Variants in RBMS3 observed in about 807,000 individuals in gnomAD.
The protein encoded by RBMS3 is RNA-binding motif, single-stranded-interacting protein 3.
In RBMS3, 27 loss-of-function variants were observed where a neutral mutation model predicts 66.8. That is an observed-to-expected ratio of 0.40 (90% CI 0.30 to 0.56). The LOEUF (loss-of-function observed/expected upper bound fraction) is 0.56, where lower values mean the gene tolerates loss of function less well. Among genes scored for constraint, RBMS3 ranks in the 20% least tolerant of loss-of-function variants. RBMS3 has a pLI of 0.40. For synonymous variants in RBMS3, 188 were observed against 183.0 expected (o/e 1.03, Z -0.22); for missense variants, 513 against 549.5 (o/e 0.93, Z 0.66).
At chr3:29,957,576 A>G (rs913880619) in intron 12 of RBMS3, among the ~76,000 whole-genome samples, 4 of 152,170 alleles carry the variant, frequency 2.6e-5, no homozygotes, top group Admixed American at 2.6e-4. Flanking sequence ...CAGTAGAATA[A>G]TTGGAAAATG....
intron 4 of RBMS3, among the ~76,000 whole-genome samples, chr3:29,682,178 G>A (rs573810401): frequency 2.6e-5 from 4 of 152,234 alleles, no homozygotes; most frequent in South Asian, 2.1e-4. Flanking sequence ...TCGGAGTCTC[G>A]CTCTGATGCC....
Position 29,724,550 on chromosome 3 carries a change from T to C in RBMS3, c.400-15170T>C, listed in dbSNP as rs2053775035. 2.6e-5 allele frequency among the ~76,000 whole-genome samples: 4 copies of C among 152,302 alleles called. No homozygotes were observed. The South Asian group carries it at 6.2e-4, about 24-fold the overall frequency. ...TCATTACATGTTCACAGCTCATGCCTACTCAAAGTTTTCTGGAAGCTTAAG... is the reference window on the plus strand; with the variant it reads ...TCATTACATGTTCACAGCTCATGCCCACTCAAAGTTTTCTGGAAGCTTAAG... On this transcript the variant is annotated intron_variant, in intron 4 of 14. Coordinates refer to ENST00000383767, the MANE Select transcript of RBMS3 (RefSeq NM_001003793.3).
intron 3 of RBMS3, among the ~76,000 whole-genome samples, chr3:29,498,847 C>T (rs1434545707): frequency 1.3e-5 from 2 of 152,128 alleles, no homozygotes; most frequent in Non-Finnish European, 2.9e-5. Context: ...ATTCTGAGTA[C>T]ATTTTAACTG....
intron 1 of RBMS3, among the ~76,000 whole-genome samples, chr3:29,329,475 G>A (rs1220894211): frequency 1.3e-5 from 2 of 151,994 alleles, no homozygotes; most frequent in Non-Finnish European, 2.9e-5. Context: ...GCCACAGGAA[G>A]CATTTATTAA....
At chr3:29,902,921 T>A (rs2060290017) in intron 10 of RBMS3, among the ~76,000 whole-genome samples, 1 of 151,906 alleles carries the variant, frequency 6.6e-6, no homozygotes, top group Admixed American at 6.6e-5. Flanking sequence ...TAGAGCGCAA[T>A]GACCTTGATC....
At chr3:29,950,305 T>A (rs1469919483) in intron 12 of RBMS3, among the ~76,000 whole-genome samples, 1 of 151,862 alleles carries the variant, frequency 6.6e-6, no homozygotes, top group Non-Finnish European at 1.5e-5. Flanking sequence ...AGCAACTGAC[T>A]TAAAGCATCC....
intron 1 of RBMS3, among the ~76,000 whole-genome samples, chr3:29,336,120 C>G (rs2035933220): frequency 6.6e-6 from 1 of 152,126 alleles, no homozygotes; most frequent in Non-Finnish European, 1.5e-5. Flanking sequence ...TATGTGTTCT[C>G]TATTCAAAAA....
At chr3:29,513,745 C>G (rs1366851739) in intron 3 of RBMS3, among the ~76,000 whole-genome samples, 1 of 152,100 alleles carries the variant, frequency 6.6e-6, no homozygotes, top group African/African-American at 2.4e-5. Context: ...ACATATTTTG[C>G]CCATTTCTGT....
intron 2 of RBMS3, among the ~76,000 whole-genome samples, chr3:29,472,185 C>A (rs565480133): frequency 1.3e-5 from 2 of 150,736 alleles, no homozygotes; most frequent in East Asian, 3.9e-4. Context: ...ACCCTTTATG[C>A]CTCTTCTAAT....
chr3:29,700,636 G>A (rs535451825), intron 4 of RBMS3, among the ~76,000 whole-genome samples: 3 of 151,772 alleles, frequency 2.0e-5, no homozygotes, highest in Non-Finnish European at 4.4e-5. Context: ...ATATGAATAG[G>A]TGCAAAAGAG....
chr3:29,676,297 G>A (rs1318832491), intron 4 of RBMS3, among the ~76,000 whole-genome samples: 1 of 152,146 alleles, frequency 6.6e-6, no homozygotes, highest in Admixed American at 6.5e-5. Context: ...AGGGGGGAAG[G>A]ATAGCATTAG....
intron 1 of RBMS3, among the ~76,000 whole-genome samples, chr3:29,327,691 C>G (rs1015504621): frequency 2.6e-5 from 4 of 152,156 alleles, no homozygotes; most frequent in Non-Finnish European, 4.4e-5. Flanking sequence ...GTGTATTGCA[C>G]AGACACATTA....
At chr3:29,822,756 A>G (rs1048026087) in intron 6 of RBMS3, among the ~76,000 whole-genome samples, 2 of 152,138 alleles carry the variant, frequency 1.3e-5, no homozygotes, top group African/African-American at 4.8e-5. Flanking sequence ...ACATTGGGCA[A>G]CCTTAGCAGG....
rs138763839 is a variant in RBMS3, at chr3:29,575,970, T to C, written c.308-11144T>C. ...TATTTTGAATACTCTGTGTGAAAGG[T>C]CACATGTCTCTGTTTCTCCAGGATT... On this transcript the variant is annotated intron_variant, in intron 3 of 14. Transcript: ENST00000383767. Among the ~76,000 whole-genome samples the C allele has an allele frequency of 6.7e-3, 1,024 of 152,276 alleles. 14 individuals are homozygous for C. Among genetic ancestry groups the C allele is most frequent in the African/African-American group, 0.024 (984 of 41,554 alleles).
intron 8 of RBMS3, among the ~76,000 whole-genome samples, chr3:29,895,967 T>C (rs2060116097): frequency 6.6e-6 from 1 of 151,434 alleles, no homozygotes; most frequent in Admixed American, 6.6e-5. Context: ...GTCAGTGGCT[T>C]CTTTTAAACG....
At chr3:29,546,506 G>A (rs1322752172) in intron 3 of RBMS3, among the ~76,000 whole-genome samples, 1 of 152,144 alleles carries the variant, frequency 6.6e-6, no homozygotes, top group Non-Finnish European at 1.5e-5. Context: ...CTGTACGACT[G>A]CTTATATGCA....
At chr3:29,562,817 A>G (rs961182427) in intron 3 of RBMS3, among the ~76,000 whole-genome samples, 1 of 152,208 alleles carries the variant, frequency 6.6e-6, no homozygotes, top group Non-Finnish European at 1.5e-5. Context: ...ATCTTTGAGT[A>G]GAAGACTAAA....
intron 10 of RBMS3, among the ~76,000 whole-genome samples, chr3:29,900,805 C>T (rs1009477145): frequency 2.6e-5 from 4 of 151,764 alleles, no homozygotes; most frequent in Admixed American, 6.6e-5. Context: ...TGAATGTGTT[C>T]ATTATACAAG....
intron 1 of RBMS3, among the ~76,000 whole-genome samples, chr3:29,433,953 G>A (rs1016023633): frequency 3.3e-5 from 5 of 152,102 alleles, no homozygotes; most frequent in Non-Finnish European, 5.9e-5. Context: ...TCACATCTGG[G>A]GAATGGGCAT....
Sources: gnomAD v4.1 joint callset for allele counts (sites outside exome capture counted in the v4.1 genomes callset) on GRCh38, gnomAD v4.1.1 for gene constraint, MANE v1.5 for transcripts, NCBI Gene and HGNC (gene_info 2026-07-23, HGNC 2026-07-21) for gene names.